Variants in ATF7IP observed in about 807,000 individuals in gnomAD.
ATF7IP encodes the protein activating transcription factor 7-interacting protein 1.
In ATF7IP, 23 loss-of-function variants were observed where a neutral mutation model predicts 106.4. That is an observed-to-expected ratio of 0.22 (90% CI 0.16 to 0.31). The LOEUF (loss-of-function observed/expected upper bound fraction) is 0.31, where lower values mean the gene tolerates loss of function less well. Ranked by LOEUF, ATF7IP falls within the 10% of genes least tolerant of loss-of-function variation. The probability of loss-of-function intolerance (pLI) is 1.00; values close to 1 mark genes in which losing one functional copy is unlikely to be tolerated. For missense variants in ATF7IP, 1,334 were observed against 1,524.3 expected, an observed-to-expected ratio of 0.88 and a Z score of 2.08; for synonymous variants, 542 against 539.0, an observed-to-expected ratio of 1.01 and a Z score of -0.08.
Position 14,425,076 on chromosome 12 carries a change from T to G in ATF7IP, c.1161T>G (p.Ser387=). ...TTGCTCTTGGAGAAGATGCTATATC[T>G]AGCAGTATGGAAATTGACCAAGGTG... ...TELALGEDAI[S]SSMEIDQGEK... is the part of the protein sequence containing the mutation. The change falls in exon 2 of 15, where the codon TCT becomes TCG. Residue 387 remains serine (S), a synonymous_variant. Transcript: ENST00000261168. 6.3e-7 allele frequency: 1 copy of G among 1,595,588 alleles called. No individual in the cohort carries two copies. The highest frequency in any genetic ancestry group is 8.5e-7 in the Non-Finnish European group (1 of 1,175,220).
chr12:14,370,898 G>T (rs1317789530), intron 1 of ATF7IP, among the ~76,000 whole-genome samples: 2 of 151,144 alleles, frequency 1.3e-5, no homozygotes, highest in African/African-American at 2.4e-5. Flanking sequence ...GTTAAACACA[G>T]ACAATTTTTT....
chr12:14,386,984 CAAAAT>C (rs1939275605), intron 1 of ATF7IP, among the ~76,000 whole-genome samples: 1 of 152,000 alleles, frequency 6.6e-6, no homozygotes. Context: ...TTTTTTTAAA[CAAAAT>C]AATTGTTTTT....
chr12:14,466,478 T>G, intron 9 of ATF7IP, 48 bp from the exon 10 acceptor site: 1 of 1,498,282 alleles, frequency 6.7e-7, no homozygotes, highest in Non-Finnish European at 9.2e-7. Flanking sequence ...CAACTTAACT[T>G]TTTACATTTT....
intron 1 of ATF7IP, among the ~76,000 whole-genome samples, chr12:14,417,477 G>C (rs1198490568): frequency 6.6e-6 from 1 of 151,610 alleles, no homozygotes; most frequent in Non-Finnish European, 1.5e-5. Context: ...TTTTTTACTT[G>C]TCTGGATTTA....
chr12:14,380,807 A>G (rs1041130209), intron 1 of ATF7IP, among the ~76,000 whole-genome samples: 3 of 152,010 alleles, frequency 2.0e-5, no homozygotes, highest in African/African-American at 7.3e-5. Context: ...TTTAGTAGAG[A>G]CGGGGTTTTG....
intron 1 of ATF7IP, among the ~76,000 whole-genome samples, chr12:14,384,839 T>C (rs1939145532): frequency 6.7e-6 from 1 of 149,872 alleles, no homozygotes; most frequent in African/African-American, 2.5e-5. Context: ...AATTATAAAA[T>C]TGAAATTCTT....
chr12:14,434,000 TAA>T (rs1320934199), intron 2 of ATF7IP, among the ~76,000 whole-genome samples: 2 of 152,214 alleles, frequency 1.3e-5, no homozygotes, highest in Non-Finnish European at 2.9e-5. Flanking sequence ...TTATTGAATG[TAA>T]AGGAATCAAA....
intron 5 of ATF7IP, among the ~76,000 whole-genome samples, chr12:14,441,837 A>G (rs576217759): frequency 6.6e-6 from 1 of 152,240 alleles, no homozygotes; most frequent in East Asian, 1.9e-4. Context: ...AACTCTTATT[A>G]GATACATGAT....
At chr12:14,428,264 A>G (rs1941961551) in intron 2 of ATF7IP, among the ~76,000 whole-genome samples, 1 of 152,254 alleles carries the variant, frequency 6.6e-6, no homozygotes, top group Non-Finnish European at 1.5e-5. Flanking sequence ...GTGCTGAGAG[A>G]TGAATATTAA....
rs780937867 is a variant in ATF7IP at position 14,466,547 on chromosome 12, T to C, written c.2819T>C (p.Ile940Thr). 1 of 1,603,120 alleles carries C rather than the reference T, an allele frequency of 6.2e-7. No individual in the cohort carries two copies. The highest frequency in any genetic ancestry group is 2.3e-5 in the East Asian group (1 of 44,362). Residue 940 changes from isoleucine (I) to threonine (T), a missense_variant, in exon 10 of 15, where the codon ATA (isoleucine) becomes ACA (threonine). Transcript: ENST00000261168. ...TCAGAAAACCAGACAAACAAAACAA[T>C]AGATGCTTCTGTCAGTAAGAAAGCA... ...PRIENQTNKT[I>T]DASVSKKAAD...
intron 6 of ATF7IP, among the ~76,000 whole-genome samples, chr12:14,452,792 A>G (rs2136687445): frequency 6.6e-6 from 1 of 151,966 alleles, no homozygotes; most frequent in South Asian, 2.1e-4. Context: ...CCTTATCAAC[A>G]TTTTCTTAGA....
At chr12:14,379,938 T>G (rs1269516504) in intron 1 of ATF7IP, among the ~76,000 whole-genome samples, 1 of 152,196 alleles carries the variant, frequency 6.6e-6, no homozygotes, top group Non-Finnish European at 1.5e-5. Flanking sequence ...CTGGAAATTC[T>G]TGCCCTTCAA....
intron 1 of ATF7IP, among the ~76,000 whole-genome samples, chr12:14,389,498 A>G (rs1171608898): frequency 6.6e-6 from 1 of 152,246 alleles, no homozygotes; most frequent in Non-Finnish European, 1.5e-5. Context: ...CCTGTGTTTC[A>G]GTACAAATAA....
chr12:14,416,589 T>G (rs1437436944), intron 1 of ATF7IP, among the ~76,000 whole-genome samples: 2 of 152,186 alleles, frequency 1.3e-5, no homozygotes, highest in East Asian at 3.8e-4. Flanking sequence ...CTTAGTTAAG[T>G]CTGTTCTTGG....
At chr12:14,380,765 G>T (rs770409844) in intron 1 of ATF7IP, among the ~76,000 whole-genome samples, 2 of 152,170 alleles carry the variant, frequency 1.3e-5, no homozygotes, top group Non-Finnish European at 2.9e-5. Context: ...GATGACAGGT[G>T]TGTGCCACCA....
At chr12:14,394,400 T>C (rs2136443214) in intron 1 of ATF7IP, among the ~76,000 whole-genome samples, 1 of 152,314 alleles carries the variant, frequency 6.6e-6, no homozygotes, top group East Asian at 1.9e-4. Flanking sequence ...GAATTATAAA[T>C]TGGTTTTCTT....
intron 1 of ATF7IP, among the ~76,000 whole-genome samples, chr12:14,376,374 TA>T (rs1261760643): frequency 1.3e-5 from 2 of 152,258 alleles, no homozygotes; most frequent in Non-Finnish European, 2.9e-5. Flanking sequence ...TAAAGTTTGT[TA>T]AATGATTTTC....
chr12:14,482,688 A>G (rs1171185039), intron 13 of ATF7IP: 2 of 152,194 alleles, frequency 1.3e-5, no homozygotes, highest in African/African-American at 4.8e-5. Flanking sequence ...TCTTTTGGCA[A>G]CACCCTAACA....
chr12:14,456,554 C>T lies in ATF7IP; in HGVS notation c.1996-7C>T, dbSNP rs745800645. 1.9e-6 allele frequency: 3 copies of T among 1,602,050 alleles called. No homozygotes were observed. The highest frequency in any genetic ancestry group is 2.2e-5 in the South Asian group (2 of 90,286). ...TATTTTTACCTTGATTTTTTTTTCT[C>T]CCCCAGCATCCACCCAACCCACCAG... On this transcript the variant is annotated splice_region_variant and splice_polypyrimidine_tract_variant and intron_variant, in intron 6 of 14. Coordinates refer to ENST00000261168, the MANE Select transcript of ATF7IP (RefSeq NM_018179.5).
Sources: gnomAD v4.1 joint callset for allele counts (sites outside exome capture counted in the v4.1 genomes callset) on GRCh38, gnomAD v4.1.1 for gene constraint, MANE v1.5 for transcripts, NCBI Gene and HGNC (gene_info 2026-07-23, HGNC 2026-07-21) for gene names.